TRDN: variants seen among roughly 807,000 people sequenced by gnomAD.
TRDN encodes triadin.
Under a neutral mutation model 149.7 loss-of-function variants are expected in TRDN, and 161 were observed. The observed-to-expected ratio is 1.08, with a 90% CI of 0.95 to 1.23. TRDN has a LOEUF of 1.23. Ranked by LOEUF, TRDN falls within the 50% of genes most tolerant of loss-of-function variation. TRDN has a pLI of 0.00. For synonymous variants in TRDN, 294 were observed against 250.5 expected, an observed-to-expected ratio of 1.17 and a Z score of -1.64; for missense variants, 896 against 823.5, an observed-to-expected ratio of 1.09 and a Z score of -1.08.
chr6:123,255,828 G>T, intron 36 of TRDN, 39 bp downstream of exon 36: 1 of 1,279,362 alleles, frequency 7.8e-7, no homozygotes, highest in Non-Finnish European at 1.0e-6. Flanking sequence ...TTTAGCTTCA[G>T]GGCTTTGCAT....
intron 1 of TRDN, among the ~76,000 whole-genome samples, chr6:123,614,966 AAT>A (rs1785010354): frequency 6.6e-6 from 1 of 152,208 alleles, no homozygotes; most frequent in Non-Finnish European, 1.5e-5. Flanking sequence ...ATAATAAACA[AAT>A]AGTGTGATTA....
chr6:123,556,230 A>C (rs1781645912), intron 2 of TRDN, among the ~76,000 whole-genome samples: 1 of 152,126 alleles, frequency 6.6e-6, no homozygotes, highest in Non-Finnish European at 1.5e-5. Context: ...TTAGGAATAA[A>C]TGTTCTATTT....
chr6:123,313,270 G>T (rs1778900642), intron 24 of TRDN, among the ~76,000 whole-genome samples: 1 of 151,890 alleles, frequency 6.6e-6, no homozygotes, highest in Non-Finnish European at 1.5e-5. Flanking sequence ...TCCACATTCT[G>T]AAGTCTACTT....
intron 1 of TRDN, among the ~76,000 whole-genome samples, chr6:123,585,141 A>AG (rs1191157769): frequency 7.5e-6 from 1 of 133,400 alleles, no homozygotes; most frequent in South Asian, 2.5e-4. Context: ...TTGTGGGTTA[A>AG]GGTGGGGGAA....
chr6:123,318,099 C>T (rs1011144143), intron 23 of TRDN, among the ~76,000 whole-genome samples: 5 of 151,962 alleles, frequency 3.3e-5, no homozygotes, highest in African/African-American at 1.2e-4. Flanking sequence ...AAGTTAATTC[C>T]TATCTAATTA....
At chr6:123,381,520 G>A (rs1781720373) in intron 15 of TRDN, 130 bp from the exon 16 acceptor site, 2 of 817,748 alleles carry the variant, frequency 2.4e-6, no homozygotes, top group East Asian at 2.7e-5. Context: ...TTCACAATGA[G>A]GTGAAATTTC....
intron 10 of TRDN, among the ~76,000 whole-genome samples, chr6:123,443,306 A>G (rs1775053449): frequency 6.6e-6 from 1 of 151,586 alleles, no homozygotes; most frequent in African/African-American, 2.4e-5. Context: ...TTGTTTTGAA[A>G]ATTAAAGCCT....
intron 2 of TRDN, among the ~76,000 whole-genome samples, chr6:123,556,635 TC>T (rs1233737466): frequency 1.3e-5 from 2 of 151,730 alleles, no homozygotes; most frequent in African/African-American, 4.8e-5. Flanking sequence ...CTATTCCTCT[TC>T]CTCTTCTTCT....
chr6:123,414,119 T>G (rs1773551551), intron 12 of TRDN, among the ~76,000 whole-genome samples: 1 of 152,136 alleles, frequency 6.6e-6, no homozygotes, highest in Non-Finnish European at 1.5e-5. Context: ...GAATTAAGGT[T>G]AATTTTACAT....
intron 38 of TRDN, among the ~76,000 whole-genome samples, chr6:123,228,737 G>T (rs1195756114): frequency 6.6e-6 from 1 of 151,838 alleles, no homozygotes; most frequent in Non-Finnish European, 1.5e-5. Flanking sequence ...ACTTCTCTCT[G>T]ATTCTAGTAC....
chr6:123,354,927 C>A (rs1166541807), intron 20 of TRDN, among the ~76,000 whole-genome samples: 1 of 151,734 alleles, frequency 6.6e-6, no homozygotes, highest in Non-Finnish European at 1.5e-5. Context: ...TAACTATTTT[C>A]TTTTAAATTG....
rs897121278 is a variant in TRDN, at chr6:123,410,498, G to A, written c.1052-16821C>T. On this transcript the variant is annotated intron_variant, in intron 12 of 40. Transcript: ENST00000334268. Reference sequence around the variant, plus strand: ...GTTAATCATTTCTATAACATTTATTGTATTTTCTCTTCACTTATTGAAACT... The same window carrying A: ...GTTAATCATTTCTATAACATTTATTATATTTTCTCTTCACTTATTGAAACT... Among the ~76,000 whole-genome samples, 10 of 152,132 alleles carry A rather than the reference G, an allele frequency of 6.6e-5. No homozygotes were observed. In the East Asian group the frequency reaches 1.9e-3, roughly 29 times the overall value.
chr6:123,420,687 C>T (rs1773860418), intron 12 of TRDN, among the ~76,000 whole-genome samples: 1 of 152,116 alleles, frequency 6.6e-6, no homozygotes, highest in Non-Finnish European at 1.5e-5. Flanking sequence ...GAAGATGCTT[C>T]CTTTGTTTAT....
intron 12 of TRDN, among the ~76,000 whole-genome samples, chr6:123,399,632 G>GT (rs1192412017): frequency 6.6e-6 from 1 of 152,116 alleles, no homozygotes; most frequent in Non-Finnish European, 1.5e-5. Flanking sequence ...GGTCCTAGAT[G>GT]TTTTTGCCTA....
chr6:123,418,949 C>A (rs1392063966), intron 12 of TRDN, among the ~76,000 whole-genome samples: 3 of 152,048 alleles, frequency 2.0e-5, no homozygotes, highest in African/African-American at 7.2e-5. Context: ...ACCAGGACGA[C>A]TGAATCATAA....
intron 14 of TRDN, among the ~76,000 whole-genome samples, chr6:123,385,446 A>AC (rs1781876011): frequency 6.6e-6 from 1 of 151,358 alleles, no homozygotes; most frequent in Non-Finnish European, 1.5e-5. Flanking sequence ...AAAAAAAAAA[A>AC]CAGAAAGAAA....
intron 20 of TRDN, among the ~76,000 whole-genome samples, chr6:123,365,262 C>T (rs892710485): frequency 4.1e-4 from 63 of 152,078 alleles, no homozygotes; most frequent in East Asian, 3.9e-4. Context: ...ATTTTTGTTG[C>T]TTTCCCTTAG....
chr6:123,311,170 G>T (rs1562256541), intron 24 of TRDN, among the ~76,000 whole-genome samples: 1 of 151,882 alleles, frequency 6.6e-6, no homozygotes, highest in Non-Finnish European at 1.5e-5. Flanking sequence ...TACAATCATG[G>T]CAGAAAGGGA....
At chr6:123,541,890 T>A (rs1270793568) in intron 4 of TRDN, among the ~76,000 whole-genome samples, 5 of 152,184 alleles carry the variant, frequency 3.3e-5, no homozygotes, top group Non-Finnish European at 7.3e-5. Flanking sequence ...GACACACACA[T>A]ACGTCTATCC....
Sources: allele counts gnomAD v4.1 joint callset (sites outside exome capture counted in the v4.1 genomes callset), GRCh38; gene constraint gnomAD v4.1.1; transcripts MANE v1.5; gene names NCBI Gene and HGNC (gene_info 2026-07-23, HGNC 2026-07-21).